The following CHL1 variants were observed in gnomAD, a reference collection of about 807,000 sequenced individuals.
CHL1 encodes neural cell adhesion molecule L1-like protein.
In CHL1, 96 loss-of-function variants were observed where a neutral mutation model predicts 141.9. The observed-to-expected ratio is 0.68, with a 90% CI of 0.57 to 0.80. The LOEUF (loss-of-function observed/expected upper bound fraction) is 0.80. Ranked by LOEUF, CHL1 falls within the 30% of genes least tolerant of loss-of-function variation. The probability of loss-of-function intolerance (pLI) is 0.00; values close to 1 mark genes in which losing one functional copy is unlikely to be tolerated. For synonymous variants in CHL1, 613 were observed against 502.2 expected, an observed-to-expected ratio of 1.22 and a Z score of -2.95; for missense variants, 1,820 against 1,457.2, an observed-to-expected ratio of 1.25 and a Z score of -4.05.
chr3:341,882 C>A, intron 6 of CHL1, 30 bp from the exon 7 acceptor site: 1 of 1,530,882 alleles, frequency 6.5e-7, no homozygotes, highest in Non-Finnish European at 8.9e-7. Context: ...GGACAATTGC[C>A]CTTTTCAATG....
intron 2 of CHL1, chr3:308,633 AATG>A (rs1228626508): frequency 6.7e-6 from 1 of 149,892 alleles, no homozygotes; most frequent in Non-Finnish European, 1.5e-5. Context: ...AATAATATGC[AATG>A]ATATCTATAT....
intron 2 of CHL1, among the ~76,000 whole-genome samples, chr3:283,773 A>G (rs1460209520): frequency 6.6e-6 from 1 of 152,136 alleles, no homozygotes; most frequent in Non-Finnish European, 1.5e-5. Context: ...TATTCTCCCA[A>G]TTGTAACAAC....
chr3:401,548 T>G, intron 26 of CHL1, 78 bp from the exon 27 acceptor site: 2 of 814,832 alleles, frequency 2.5e-6, no homozygotes, highest in East Asian at 5.1e-5. Context: ...TACTGACTAT[T>G]AACTATTCCA....
chr3:358,239 A>G (rs1211609378), intron 11 of CHL1, among the ~76,000 whole-genome samples: 1 of 152,036 alleles, frequency 6.6e-6, no homozygotes, highest in Non-Finnish European at 1.5e-5. Context: ...CAGCTTTTCC[A>G]GGCTGCCCAC....
intron 1 of CHL1, among the ~76,000 whole-genome samples, chr3:214,001 C>A (rs1024423769): frequency 6.6e-6 from 1 of 152,132 alleles, no homozygotes; most frequent in African/African-American, 2.4e-5. Context: ...GAAAGCCAAA[C>A]ATAGGTGGAA....
chr3:309,974 A>G (rs992707918), intron 2 of CHL1, among the ~76,000 whole-genome samples: 1 of 152,178 alleles, frequency 6.6e-6, no homozygotes, highest in African/African-American at 2.4e-5. Context: ...ATTAATGGAA[A>G]ATAAGGGACA....
chr3:375,613 T>A (rs1254109971), intron 15 of CHL1, among the ~76,000 whole-genome samples: 3 of 151,882 alleles, frequency 2.0e-5, no homozygotes, highest in Non-Finnish European at 4.4e-5. Flanking sequence ...ATGAGAAATG[T>A]GATTAGCAAT....
intron 2 of CHL1, among the ~76,000 whole-genome samples, chr3:297,621 A>G (rs1244183419): frequency 6.6e-6 from 1 of 152,234 alleles, no homozygotes; most frequent in African/African-American, 2.4e-5. Context: ...GAACAAAGCC[A>G]TATCAAATAA....
intron 5 of CHL1, among the ~76,000 whole-genome samples, chr3:336,606 GA>G (rs66913480): frequency 0.11 from 17,063 of 152,154 alleles, 1,245 homozygotes; most frequent in East Asian, 0.36. Context: ...ATGAGATACA[GA>G]AAAAGGTAAA....
At chr3:274,286 C>A (rs1282897428) in intron 2 of CHL1, among the ~76,000 whole-genome samples, 1 of 152,160 alleles carries the variant, frequency 6.6e-6, no homozygotes, top group African/African-American at 2.4e-5. Context: ...TTTCTGGTCA[C>A]CCTAAAACAT....
chr3:390,729 G>T lies in CHL1; in HGVS notation c.2499G>T (p.Gly833=), dbSNP rs1708150468. 6.2e-7 allele frequency: 1 copy of T among 1,605,658 alleles called. No homozygotes were observed. The highest frequency in any genetic ancestry group is 8.5e-7 in the Non-Finnish European group (1 of 1,172,432). ...CTGATACAGCTCCAGTGATCCATGG[G>T]GTGGACGTTATAAACAGTACATTAG... ...DYPDTAPVIH[G]VDVINSTLVK... The change falls in exon 21 of 28, where the codon GGG becomes GGT. Residue 833 remains glycine, a synonymous_variant. Transcript: ENST00000256509.
chr3:276,716 C>CGA, intron 2 of CHL1, among the ~76,000 whole-genome samples: 1 of 151,768 alleles, frequency 6.6e-6, no homozygotes, highest in Admixed American at 6.6e-5. Context: ...GGTGAAATCC[C>CGA]TTCTCTACTA....
intron 15 of CHL1, among the ~76,000 whole-genome samples, chr3:377,225 T>C (rs145981672): frequency 2.6e-5 from 4 of 152,262 alleles, no homozygotes; most frequent in Admixed American, 6.5e-5. Flanking sequence ...TGAGGTGAAA[T>C]GATTTGCAAA....
chr3:313,208 C>G (rs529004021), intron 2 of CHL1, among the ~76,000 whole-genome samples: 1 of 152,174 alleles, frequency 6.6e-6, no homozygotes, highest in Admixed American at 6.5e-5. Flanking sequence ...ATAAGAGTCA[C>G]CTTTTGTTCA....
At position 354,857 on chromosome 3, in the gene CHL1, T is replaced by C. The variant is rs1449102811; in HGVS notation, c.1165+86T>C. On this transcript the variant is annotated intron_variant, in intron 11 of 27. Transcript: ENST00000256509. ...TGGTCAGACGTGTGTAAAATGAAGT[T>C]GGTATGTGGTTGGATTAGCAGGACA... The C allele has an allele frequency of 1.2e-5, 19 of 1,525,936 alleles. 1 individual carries two copies. Among genetic ancestry groups the C allele is most frequent in the Middle Eastern group, 3.6e-4 (2 of 5,574 alleles). The allele number at this position is 1,525,936 out of a possible 1,614,324, so 94.5% of individuals were successfully genotyped here.
chr3:295,992 A>G (rs976511494), intron 2 of CHL1, among the ~76,000 whole-genome samples: 1 of 151,188 alleles, frequency 6.6e-6, no homozygotes, highest in Non-Finnish European at 1.5e-5. Context: ...CTATAGTACA[A>G]CTCCCTCTCA....
intron 2 of CHL1, among the ~76,000 whole-genome samples, chr3:279,796 G>C (rs1167478339): frequency 6.6e-6 from 1 of 152,198 alleles, no homozygotes; most frequent in Non-Finnish European, 1.5e-5. Context: ...AAGGGAATCC[G>C]AAGTAGGGAT....
rs1695012781 is a variant in CHL1, at chr3:264,697, C to A, written c.-95+20005C>A. Among the ~76,000 whole-genome samples, 3 of 152,180 alleles carry A rather than the reference C, an allele frequency of 2.0e-5. No homozygotes were observed. The South Asian group carries it at 6.2e-4, about 31-fold the overall frequency. On this transcript the variant is annotated intron_variant, in intron 2 of 27. Transcript: ENST00000256509. Reference sequence around the variant, plus strand: ...ACTCTTAGAATGAATGATCCTTGGTCTTTTAACAAAGGACATCTGACTAAT... The same window carrying A: ...ACTCTTAGAATGAATGATCCTTGGTATTTTAACAAAGGACATCTGACTAAT...
chr3:406,909 C>G lies in CHL1; in HGVS notation c.*1198C>G, dbSNP rs868744407. ...TTTTTATTGTTGAATGTACATCTAC[C>G]CCAGCCCCTCAAAAGAAAAACTGTT... On this transcript the variant is annotated 3_prime_UTR_variant, in exon 28 of 28. Transcript: ENST00000256509. The G allele has an allele frequency of 6.6e-6, 1 of 151,986 alleles. No homozygotes were observed. The highest frequency in any genetic ancestry group is 2.4e-5 in the African/African-American group (1 of 41,374). The allele number at this position is 151,986 out of a possible 1,614,324, so 9.4% of individuals were successfully genotyped here. A position where few individuals can be genotyped will look rare whatever the true frequency, so the allele number is the denominator to read the frequency against.
Sources: allele counts gnomAD v4.1 joint callset (sites outside exome capture counted in the v4.1 genomes callset), GRCh38; gene constraint gnomAD v4.1.1; transcripts MANE v1.5; gene names NCBI Gene and HGNC (gene_info 2026-07-23, HGNC 2026-07-21).